The following DENND1B variants were observed in gnomAD, a reference collection of about 807,000 sequenced individuals.
DENND1B encodes DENN domain containing 1B, also known as DENN domain-containing protein 1B.
In DENND1B, 59 loss-of-function variants were observed where a neutral mutation model predicts 90.1. The observed-to-expected ratio is 0.65, with a 90% confidence interval of 0.53 to 0.81. The LOEUF (loss-of-function observed/expected upper bound fraction) is 0.81. DENND1B is among the 40% of genes least tolerant of loss of function. The pLI is 0.00. For missense variants in DENND1B, 862 were observed against 912.6 expected (o/e 0.94, Z 0.71); for synonymous variants, 337 against 324.6 (o/e 1.04, Z -0.41).
At chr1:197,689,628 C>T (rs1006901799) in intron 3 of DENND1B, 3 of 177,394 alleles carry the variant, frequency 1.7e-5, no homozygotes, top group Admixed American at 5.2e-5. Flanking sequence ...AGTCACCCTA[C>T]AGCCAGAAGA....
chr1:197,512,509 T>C (rs935399227), intron 21 of DENND1B, among the ~76,000 whole-genome samples: 1 of 151,688 alleles, frequency 6.6e-6, no homozygotes, highest in Non-Finnish European at 1.5e-5. Context: ...AAGTCTACTG[T>C]ACCCTCAATT....
intron 10 of DENND1B, among the ~76,000 whole-genome samples, chr1:197,639,005 C>T (rs936724582): frequency 7.2e-5 from 11 of 151,782 alleles, no homozygotes; most frequent in African/African-American, 2.4e-4. Context: ...TAACAATATT[C>T]TTGATATCTG....
chr1:197,762,532 C>T (rs1253896059), intron 2 of DENND1B, among the ~76,000 whole-genome samples: 1 of 152,168 alleles, frequency 6.6e-6, no homozygotes, highest in Non-Finnish European at 1.5e-5. Flanking sequence ...CATCTATCAT[C>T]TCACATACTT....
rs765956367 is a variant in DENND1B at position 197,775,132 on chromosome 1, C to A, written c.17+7G>T. 2.7e-5 allele frequency: 35 copies of A among 1,292,040 alleles called. No homozygotes were observed. The highest frequency in any genetic ancestry group is 2.9e-4 in the Middle Eastern group (1 of 3,490). 80.0% of individuals were successfully genotyped at this position (1,292,040 alleles called of 1,614,324 possible). On this transcript the variant is annotated splice_region_variant and intron_variant, in intron 1 of 22. Transcript: ENST00000620048. ...CGCCCCCGACGCGCCCGGGCCCCCC[C>A]ACTCACTTGGTCCTGCAGTCCATGG...
chr1:197,519,478 T>C (rs540713379), intron 20 of DENND1B, among the ~76,000 whole-genome samples: 1 of 151,978 alleles, frequency 6.6e-6, no homozygotes, highest in African/African-American at 2.4e-5. Context: ...GTGCCAGGCA[T>C]TGGGCTACAC....
chr1:197,573,096 G>A (rs1426231932), intron 15 of DENND1B, among the ~76,000 whole-genome samples: 8 of 151,948 alleles, frequency 5.3e-5, no homozygotes, highest in African/African-American at 1.5e-4. Flanking sequence ...ACCAGCTCCT[G>A]GATTCATTAA....
chr1:197,776,666 CT>C (rs1657285634), upstream of DENND1B, among the ~76,000 whole-genome samples: 1 of 152,178 alleles, frequency 6.6e-6, no homozygotes, highest in African/African-American at 2.4e-5. Context: ...AATTAAAAAA[CT>C]CAAGAGTCAG....
chr1:197,521,065 A>G (rs909137574), intron 20 of DENND1B, among the ~76,000 whole-genome samples: 2 of 152,004 alleles, frequency 1.3e-5, no homozygotes, highest in Non-Finnish European at 2.9e-5. Context: ...ACTGGTAAAG[A>G]CAAGAAGGAA....
intron 5 of DENND1B, 28 bp downstream of exon 5, chr1:197,672,009 T>A: frequency 6.2e-7 from 1 of 1,601,248 alleles, no homozygotes; most frequent in Non-Finnish European, 8.5e-7. Context: ...CTATTTTGCA[T>A]CTAATTTTTT....
chr1:197,579,574 C>A (rs1410720919), intron 15 of DENND1B, among the ~76,000 whole-genome samples: 1 of 152,050 alleles, frequency 6.6e-6, no homozygotes, highest in Non-Finnish European at 1.5e-5. Flanking sequence ...AGTGTATTTT[C>A]ATTGGTTCTG....
chr1:197,552,038 T>C (rs1349125134), intron 16 of DENND1B, among the ~76,000 whole-genome samples: 1 of 152,176 alleles, frequency 6.6e-6, no homozygotes, highest in African/African-American at 2.4e-5. Flanking sequence ...ATGGTTTCTA[T>C]ATTTTCATGG....
intron 2 of DENND1B, among the ~76,000 whole-genome samples, chr1:197,768,773 C>T (rs943412446): frequency 6.6e-6 from 1 of 151,972 alleles, no homozygotes; most frequent in East Asian, 1.9e-4. Context: ...ATACTACCAA[C>T]CCCTCTTATG....
At chr1:197,584,086 T>C (rs917697939) in intron 14 of DENND1B, among the ~76,000 whole-genome samples, 2 of 152,186 alleles carry the variant, frequency 1.3e-5, no homozygotes. Context: ...ATGCACCTTG[T>C]AGCAATATTT....
intron 20 of DENND1B, among the ~76,000 whole-genome samples, chr1:197,530,932 A>G: frequency 6.6e-6 from 1 of 152,152 alleles, no homozygotes; most frequent in East Asian, 1.9e-4. Flanking sequence ...CCATATCCTT[A>G]TTTCTAACTA....
Position 197,552,689 on chromosome 1 carries a change from T to C in DENND1B, c.1240+333A>G, listed in dbSNP as rs1671339154. 7.5e-6 allele frequency: 8 copies of C among 1,064,050 alleles called. No homozygotes were observed. The South Asian group carries it at 3.0e-4, about 39-fold the overall frequency. 65.9% of individuals were successfully genotyped at this position (1,064,050 alleles called of 1,614,324 possible). A position where few individuals can be genotyped will look rare whatever the true frequency, so the allele number is the denominator to read the frequency against. On this transcript the variant is annotated intron_variant, in intron 16 of 22. Coordinates refer to ENST00000620048, the MANE Select transcript of DENND1B (RefSeq NM_001195215.2). Reference sequence around the variant, plus strand: ...CATACTCAGTAATAACCATCACTAGTAGTTTTCTAGCAGAGAATACTACTA... The same window carrying C: ...CATACTCAGTAATAACCATCACTAGCAGTTTTCTAGCAGAGAATACTACTA...
intron 10 of DENND1B, among the ~76,000 whole-genome samples, chr1:197,621,161 T>C (rs1018188987): frequency 4.0e-5 from 6 of 151,308 alleles, no homozygotes; most frequent in African/African-American, 1.5e-4. Context: ...GCAGAATCAA[T>C]GATGGAGAGC....
At chr1:197,526,789 A>C (rs1490280799) in intron 20 of DENND1B, among the ~76,000 whole-genome samples, 1 of 152,180 alleles carries the variant, frequency 6.6e-6, no homozygotes, top group African/African-American at 2.4e-5. Context: ...TATTGAAAGG[A>C]GCTGGTTTTG....
intron 18 of DENND1B, among the ~76,000 whole-genome samples, chr1:197,544,898 GAAGAAA>G: frequency 6.8e-6 from 1 of 146,712 alleles, no homozygotes; most frequent in Non-Finnish European, 1.5e-5. Flanking sequence ...GGAAGAAGAA[GAAGAAA>G]GAAGAAGAAA....
At chr1:197,554,587 A>G (rs1671542001) in intron 15 of DENND1B, among the ~76,000 whole-genome samples, 1 of 151,874 alleles carries the variant, frequency 6.6e-6, no homozygotes, top group African/African-American at 2.4e-5. Context: ...CGCCTGTAAT[A>G]CCAGCGTTTT....
Sources: gnomAD v4.1 joint callset for allele counts (sites outside exome capture counted in the v4.1 genomes callset) on GRCh38, gnomAD v4.1.1 for gene constraint, MANE v1.5 for transcripts, NCBI Gene and HGNC (gene_info 2026-07-23, HGNC 2026-07-21) for gene names.